Variants in UIMC1 observed in about 807,000 individuals in gnomAD.
The protein encoded by UIMC1 is ubiquitin interaction motif containing 1, also known as BRCA1-A complex subunit RAP80.
A neutral mutation model predicts 84.9 loss-of-function variants in UIMC1; 42 were observed. That is an observed-to-expected ratio of 0.49 (90% CI 0.39 to 0.64). The LOEUF (loss-of-function observed/expected upper bound fraction) is 0.64. Ranked by LOEUF, UIMC1 falls within the 30% of genes least tolerant of loss-of-function variation. The pLI is 0.00. For synonymous variants in UIMC1, 281 were observed against 293.0 expected (o/e 0.96, Z 0.42); for missense variants, 825 against 847.6 (o/e 0.97, Z 0.33).
intron 10 of UIMC1, among the ~76,000 whole-genome samples, chr5:176,912,257 C>T (rs116285439): frequency 3.8e-4 from 58 of 152,316 alleles, no homozygotes; most frequent in African/African-American, 1.4e-3. Flanking sequence ...GTCACAACTA[C>T]TCAACTCTGC....
chr5:176,914,410 T>C (rs896984475), intron 10 of UIMC1, among the ~76,000 whole-genome samples: 1 of 152,196 alleles, frequency 6.6e-6, no homozygotes, highest in African/African-American at 2.4e-5. Context: ...AAGCCTGTCT[T>C]CTCTCTGGTC....
At chr5:177,022,555 T>A (rs1196209652) in exon 1 of UIMC1, 1 of 595,738 alleles carries the variant, frequency 1.7e-6, no homozygotes. Context: ...GGTTTCCGAA[T>A]CCACGGCACA....
intron 10 of UIMC1, among the ~76,000 whole-genome samples, chr5:176,934,775 G>C (rs992068388): frequency 6.6e-6 from 1 of 152,160 alleles, no homozygotes; most frequent in Admixed American, 6.5e-5. Context: ...GCCTATCAGA[G>C]TCTTCCTCTA....
At chr5:177,012,041 C>T (rs1482484866) in intron 1 of UIMC1, among the ~76,000 whole-genome samples, 1 of 152,102 alleles carries the variant, frequency 6.6e-6, no homozygotes, top group African/African-American at 2.4e-5. Context: ...ACCTCATGAT[C>T]CGCCCGTCTT....
At chr5:176,980,953 C>G (rs1379060040) in intron 2 of UIMC1, among the ~76,000 whole-genome samples, 1 of 151,978 alleles carries the variant, frequency 6.6e-6, no homozygotes, top group Non-Finnish European at 1.5e-5. Context: ...GTTGGTCAGG[C>G]TGGTCTCAAA....
chr5:176,981,493 T>C (rs1283649820), intron 2 of UIMC1, among the ~76,000 whole-genome samples: 2 of 152,084 alleles, frequency 1.3e-5, no homozygotes, highest in Non-Finnish European at 2.9e-5. Context: ...TGCTCAATCT[T>C]GCTAACCAAA....
At chr5:176,910,009 C>T (rs902984370) in intron 11 of UIMC1, among the ~76,000 whole-genome samples, 1 of 152,202 alleles carries the variant, frequency 6.6e-6, no homozygotes, top group African/African-American at 2.4e-5. Context: ...TAATATTAGG[C>T]ACTAAACAAA....
At chr5:176,912,404 C>T (rs1405761610) in intron 10 of UIMC1, among the ~76,000 whole-genome samples, 1 of 152,090 alleles carries the variant, frequency 6.6e-6, no homozygotes, top group Non-Finnish European at 1.5e-5. Context: ...CTAGATCAAC[C>T]TCCTACTCAT....
At chr5:177,016,421 G>T (rs1264541549) in intron 1 of UIMC1, among the ~76,000 whole-genome samples, 1 of 152,264 alleles carries the variant, frequency 6.6e-6, no homozygotes, top group Middle Eastern at 3.4e-3. Flanking sequence ...GCTGGGCACG[G>T]TGGCTCATGC....
intron 9 of UIMC1, among the ~76,000 whole-genome samples, chr5:176,946,784 G>A (rs566570419): frequency 1.6e-4 from 25 of 152,156 alleles, no homozygotes; most frequent in Middle Eastern, 3.4e-3. Context: ...CCAGTGAGCC[G>A]AGATCCTACC....
chr5:177,004,758 C>A (rs353494), intron 1 of UIMC1, among the ~76,000 whole-genome samples: 3 of 151,952 alleles, frequency 2.0e-5, no homozygotes, highest in African/African-American at 7.3e-5. Flanking sequence ...CTTGATCTAT[C>A]TGAAGAAAAA....
At chr5:176,920,024 CTTGT>C (rs998673685) in intron 10 of UIMC1, among the ~76,000 whole-genome samples, 1 of 151,850 alleles carries the variant, frequency 6.6e-6, no homozygotes, top group Non-Finnish European at 1.5e-5. Flanking sequence ...GTGGGGTTTT[CTTGT>C]TTGTTTTTTT....
chr5:176,957,168 T>C (rs1766713861), intron 7 of UIMC1, among the ~76,000 whole-genome samples: 1 of 152,028 alleles, frequency 6.6e-6, no homozygotes, highest in South Asian at 2.1e-4. Context: ...TCCAAAACTG[T>C]CTTAACAGCA....
chr5:176,976,193 T>C (rs979429929), intron 2 of UIMC1, among the ~76,000 whole-genome samples: 2 of 152,094 alleles, frequency 1.3e-5, no homozygotes, highest in African/African-American at 4.8e-5. Flanking sequence ...TAGCCAGGCA[T>C]GGTCCTAGCT....
At chr5:177,005,599 C>T (rs1298594215) in intron 1 of UIMC1, among the ~76,000 whole-genome samples, 1 of 151,724 alleles carries the variant, frequency 6.6e-6, no homozygotes, top group Non-Finnish European at 1.5e-5. Context: ...CGATGTTCCA[C>T]ATGAGGAAAC....
intron 10 of UIMC1, among the ~76,000 whole-genome samples, chr5:176,933,681 C>A (rs920807740): frequency 1.3e-5 from 2 of 151,890 alleles, no homozygotes; most frequent in Non-Finnish European, 2.9e-5. Context: ...GGACTACAGG[C>A]ATGTACCACC....
chr5:176,931,775 A>C (rs569474587), intron 10 of UIMC1, among the ~76,000 whole-genome samples: 245 of 152,270 alleles, frequency 1.6e-3, no homozygotes, highest in African/African-American at 5.7e-3. Context: ...TCACGAAGTC[A>C]GGAGTTCAAG....
chr5:176,968,418 A>T, intron 6 of UIMC1, 137 bp downstream of exon 6: 3 of 1,252,778 alleles, frequency 2.4e-6, no homozygotes, highest in South Asian at 3.1e-5. Context: ...ACTCTCCTGT[A>T]CTTTCCTAAT....
chr5:176,934,218 T>G (rs1287467067), intron 10 of UIMC1, among the ~76,000 whole-genome samples: 1 of 152,132 alleles, frequency 6.6e-6, no homozygotes, highest in Non-Finnish European at 1.5e-5. Context: ...AAGCAATTAA[T>G]CAATGACTTT....
Sources: gnomAD v4.1 joint callset for allele counts (sites outside exome capture counted in the v4.1 genomes callset) on GRCh38, gnomAD v4.1.1 for gene constraint, MANE v1.5 for transcripts, NCBI Gene and HGNC (gene_info 2026-07-23, HGNC 2026-07-21) for gene names.